The following PLEKHM3 variants were observed in gnomAD, a reference collection of about 807,000 sequenced individuals.
PLEKHM3 encodes pleckstrin homology domain-containing family M member 3.
In PLEKHM3, 45 loss-of-function variants were observed where a neutral mutation model predicts 81.8. The observed-to-expected ratio is 0.55, with a 90% CI of 0.43 to 0.71. PLEKHM3 has a LOEUF of 0.71. PLEKHM3 is among the 30% of genes least tolerant of loss of function. The pLI is 0.00. For missense variants in PLEKHM3, 788 were observed against 924.3 expected (o/e 0.85, Z 1.91); for synonymous variants, 352 against 356.4 (o/e 0.99, Z 0.14).
chr2:207,938,871 T>C (rs981027991), intron 4 of PLEKHM3, among the ~76,000 whole-genome samples: 4 of 152,240 alleles, frequency 2.6e-5, no homozygotes, highest in Non-Finnish European at 5.9e-5. Flanking sequence ...AGATTTTAAG[T>C]GTCAATGATG....
chr2:207,882,715 A>T (rs1288341035), intron 6 of PLEKHM3, among the ~76,000 whole-genome samples: 2 of 151,718 alleles, frequency 1.3e-5, no homozygotes, highest in Non-Finnish European at 1.5e-5. Flanking sequence ...GATGTTGTTT[A>T]TTCAGACTAA....
chr2:207,925,851 T>C (rs1015683105), intron 5 of PLEKHM3, among the ~76,000 whole-genome samples: 5 of 152,122 alleles, frequency 3.3e-5, no homozygotes, highest in African/African-American at 1.2e-4. Context: ...GAAGTCGACC[T>C]GGTGTTATTT....
At position 207,821,723 on chromosome 2, in the gene PLEKHM3, C is replaced by G. The variant is rs2092218471; in HGVS notation, c.*6596G>C. 1 of 151,764 alleles carries G rather than the reference C, an allele frequency of 6.6e-6. No homozygotes were observed. Among genetic ancestry groups the G allele is most frequent in the South Asian group, 2.1e-4 (1 of 4,826 alleles). 9.4% of individuals were successfully genotyped at this position (151,764 alleles called of 1,614,324 possible). On this transcript the variant is annotated 3_prime_UTR_variant, in exon 8 of 8. Transcript: ENST00000427836. ...TCCATTTGCAACCTAAGCATTTTCT[C>G]TCCTTTAAAAAAAAAAGTATATATA... is the stretch of plus-strand genomic sequence containing the variant.
At chr2:207,946,550 G>C in intron 3 of PLEKHM3, 38 bp from the exon 4 acceptor site, 1 of 1,606,362 alleles carries the variant, frequency 6.2e-7, no homozygotes, top group Non-Finnish European at 8.5e-7. Context: ...GATTGCTGTT[G>C]TACTTTTAAC....
At position 207,878,152 on chromosome 2, in the gene PLEKHM3, G is replaced by A. The variant is rs140635262; in HGVS notation, c.1951-16890C>T. Among the ~76,000 whole-genome samples, 109 of 152,204 alleles carry A rather than the reference G, an allele frequency of 7.2e-4. 1 individual carries two copies. In the East Asian group the frequency reaches 0.016, roughly 22 times the overall value. ...AAGGTCTCCCTATATTGCCCAGGCT[G>A]GTCTCGAACTCATGGGATCAAGTGA... is the stretch of plus-strand genomic sequence containing the variant. On this transcript the variant is annotated intron_variant, in intron 6 of 7. Coordinates refer to ENST00000427836, the MANE Select transcript of PLEKHM3 (RefSeq NM_001080475.3).
chr2:207,842,083 G>A lies in PLEKHM3; in HGVS notation c.2109-13587C>T, dbSNP rs973289828. ...CTCCCCAGTAGCTGGGACTATAGGCGCACGCCACCACGCCCAGCTAATTTT... is the reference window on the plus strand; with the variant it reads ...CTCCCCAGTAGCTGGGACTATAGGCACACGCCACCACGCCCAGCTAATTTT... On this transcript the variant is annotated intron_variant, in intron 7 of 7. Coordinates refer to ENST00000427836, the MANE Select transcript of PLEKHM3 (RefSeq NM_001080475.3). Among the ~76,000 whole-genome samples the A allele has an allele frequency of 8.5e-5, 13 of 152,154 alleles. No homozygotes were observed. The East Asian group carries it at 1.4e-3, about 16-fold the overall frequency.
At chr2:207,844,115 CA>C (rs1260599583) in intron 7 of PLEKHM3, among the ~76,000 whole-genome samples, 1 of 151,766 alleles carries the variant, frequency 6.6e-6, no homozygotes, top group Non-Finnish European at 1.5e-5. Context: ...ACTCCATTCT[CA>C]AAGAACGGTC....
chr2:207,968,034 A>T (rs1374886867), intron 3 of PLEKHM3, among the ~76,000 whole-genome samples: 1 of 152,016 alleles, frequency 6.6e-6, no homozygotes, highest in Admixed American at 6.5e-5. Flanking sequence ...ACTGCAAATT[A>T]TTCACAAAAC....
At chr2:208,023,866 T>C (rs1043355846) in intron 1 of PLEKHM3, among the ~76,000 whole-genome samples, 2 of 94,088 alleles carry the variant, frequency 2.1e-5, no homozygotes, top group Non-Finnish European at 6.3e-5. Flanking sequence ...TTTTATTTTA[T>C]ATATTTATTA....
chr2:208,006,403 T>C (rs547592429), intron 1 of PLEKHM3, among the ~76,000 whole-genome samples: 116 of 152,288 alleles, frequency 7.6e-4, no homozygotes, highest in African/African-American at 2.8e-3. Context: ...CTTGCCTCAG[T>C]ACAAAACTGG....
intron 6 of PLEKHM3, among the ~76,000 whole-genome samples, chr2:207,896,912 A>C (rs1204154953): frequency 6.6e-6 from 1 of 152,226 alleles, no homozygotes; most frequent in Non-Finnish European, 1.5e-5. Flanking sequence ...TTACAGAAAG[A>C]CTGCTTTTTG....
chr2:207,938,050 G>A (rs1559246447), intron 4 of PLEKHM3, among the ~76,000 whole-genome samples: 1 of 152,146 alleles, frequency 6.6e-6, no homozygotes, highest in Non-Finnish European at 1.5e-5. Flanking sequence ...ATAGGAAATG[G>A]TTTATGTAAC....
chr2:208,020,620 T>C (rs1009820023), intron 1 of PLEKHM3, among the ~76,000 whole-genome samples: 1 of 152,232 alleles, frequency 6.6e-6, no homozygotes, highest in Non-Finnish European at 1.5e-5. Context: ...TCTGAATTAA[T>C]TGGCTTGCAT....
At chr2:207,839,751 TC>T (rs1164313553) in intron 7 of PLEKHM3, among the ~76,000 whole-genome samples, 1 of 151,844 alleles carries the variant, frequency 6.6e-6, no homozygotes, top group Non-Finnish European at 1.5e-5. Context: ...CATAGGGAGA[TC>T]CCATCTCTAC....
intron 1 of PLEKHM3, among the ~76,000 whole-genome samples, chr2:208,014,159 A>T (rs1692797055): frequency 6.6e-6 from 1 of 152,304 alleles, no homozygotes; most frequent in African/African-American, 2.4e-5. Flanking sequence ...CTCTTAACCA[A>T]TTTAGTCAGG....
At position 207,828,236 on chromosome 2, in the gene PLEKHM3, G is replaced by C; in HGVS notation, c.*83C>G. The C allele has an allele frequency of 7.4e-7, 1 of 1,346,996 alleles. No individual in the cohort carries two copies. The highest frequency in any genetic ancestry group is 1.4e-5 in the South Asian group (1 of 70,524). 83.4% of individuals were successfully genotyped at this position (1,346,996 alleles called of 1,614,324 possible). ...GAGGATACATACTCTTCTTCCAAAGGGGTCTAACTGGCTAGTTAGGAGGCC... is the reference window on the plus strand; with the variant it reads ...GAGGATACATACTCTTCTTCCAAAGCGGTCTAACTGGCTAGTTAGGAGGCC... On this transcript the variant is annotated 3_prime_UTR_variant, in exon 8 of 8. Coordinates refer to ENST00000427836, the MANE Select transcript of PLEKHM3 (RefSeq NM_001080475.3).
At chr2:207,832,311 A>G (rs368754183) in intron 7 of PLEKHM3, among the ~76,000 whole-genome samples, 1 of 152,102 alleles carries the variant, frequency 6.6e-6, no homozygotes, top group East Asian at 1.9e-4. Context: ...TCCCTCCCCC[A>G]ACCCTTTTCT....
At chr2:207,906,269 C>T (rs1688606451) in intron 6 of PLEKHM3, among the ~76,000 whole-genome samples, 2 of 152,154 alleles carry the variant, frequency 1.3e-5, no homozygotes, top group African/African-American at 4.8e-5. Flanking sequence ...TAACCAATTC[C>T]TCCCCTTGAA....
chr2:207,855,279 G>A (rs765092868), intron 7 of PLEKHM3, among the ~76,000 whole-genome samples: 8 of 152,092 alleles, frequency 5.3e-5, no homozygotes, highest in Non-Finnish European at 7.3e-5. Flanking sequence ...GGTATGTCAA[G>A]GGAACAAAGG....
Sources: allele counts gnomAD v4.1 joint callset (sites outside exome capture counted in the v4.1 genomes callset), GRCh38; gene constraint gnomAD v4.1.1; transcripts MANE v1.5; gene names NCBI Gene and HGNC (gene_info 2026-07-23, HGNC 2026-07-21).